The following ARHGAP25 variants were observed in gnomAD, a reference collection of about 807,000 sequenced individuals.
The protein encoded by ARHGAP25 is Rho GTPase activating protein 25.
A neutral mutation model predicts 71.0 loss-of-function variants in ARHGAP25; 34 were observed. The ratio of observed to expected loss-of-function variants is 0.48; its 90% CI spans 0.36 to 0.64. The LOEUF is 0.64. Ranked by LOEUF, ARHGAP25 falls within the 30% of genes least tolerant of loss-of-function variation. ARHGAP25 has a pLI of 0.00. For missense variants in ARHGAP25, 706 were observed against 805.1 expected (o/e 0.88, Z 1.49); for synonymous variants, 282 against 296.5 (o/e 0.95, Z 0.50).
chr2:68,746,880 C>T (rs923234401), intron 1 of ARHGAP25, among the ~76,000 whole-genome samples: 5 of 151,918 alleles, frequency 3.3e-5, no homozygotes, highest in South Asian at 4.2e-4. Context: ...TAGTGACGCA[C>T]GCCTGTAATC....
chr2:68,825,221 C>T (rs553598433), intron 10 of ARHGAP25, among the ~76,000 whole-genome samples: 20 of 152,246 alleles, frequency 1.3e-4, no homozygotes, highest in African/African-American at 4.8e-4. Context: ...CCCAGGAGAT[C>T]CTTAATAAGA....
chr2:68,723,891 G>A (rs753179629), intron 2 of ARHGAP25, among the ~76,000 whole-genome samples: 13 of 151,894 alleles, frequency 8.6e-5, no homozygotes, highest in Admixed American at 2.6e-4. Context: ...TTTCTCTCTC[G>A]GTGGGGCAGG....
At position 68,782,337 on chromosome 2, in the gene ARHGAP25, A is replaced by G. The variant is rs985011733; in HGVS notation, c.349+17A>G. 1.2e-6 allele frequency: 2 copies of G among 1,611,294 alleles called. No homozygotes were observed. Among genetic ancestry groups the G allele is most frequent in the Non-Finnish European group, 8.5e-7 (1 of 1,177,418 alleles). On this transcript the variant is annotated intron_variant, in intron 3 of 10. Transcript: ENST00000409202. ...TCATTCCAGGTAGGCCACCACAGGT[A>G]GGACAGAGGTGCAGTGCAGAAGTAA...
chr2:68,819,315 G>T lies in ARHGAP25; in HGVS notation c.1196G>T (p.Ser399Ile). The T allele has an allele frequency of 6.2e-7, 1 of 1,614,112 alleles. No homozygotes were observed. Among genetic ancestry groups the T allele is most frequent in the Non-Finnish European group, 8.5e-7 (1 of 1,179,980 alleles). Residue 399 changes from serine to isoleucine, a missense_variant, in exon 9 of 11, where the codon AGC becomes ATC. Coordinates refer to ENST00000409202, the MANE Select transcript of ARHGAP25 (RefSeq NM_001007231.3). ...LRISRTDSFS[S>I]MTSDSDTTSP... ...ATTTCTAGGACAGACAGCTTCAGTAGCATGGTAAGGTGCAGAGAACCTTCC... is the reference window on the plus strand; with the variant it reads ...ATTTCTAGGACAGACAGCTTCAGTATCATGGTAAGGTGCAGAGAACCTTCC...
intron 4 of ARHGAP25, among the ~76,000 whole-genome samples, chr2:68,788,258 C>T (rs929014975): frequency 6.6e-6 from 1 of 152,212 alleles, no homozygotes; most frequent in African/African-American, 2.4e-5. Context: ...GCTTTCTCCT[C>T]TCTGGGCCAA....
At chr2:68,738,588 C>A (rs915220668) in intron 1 of ARHGAP25, among the ~76,000 whole-genome samples, 6 of 152,094 alleles carry the variant, frequency 3.9e-5, no homozygotes, top group Admixed American at 3.9e-4. Flanking sequence ...CCATGAGTAG[C>A]CTCCGGTCCC....
intron 4 of ARHGAP25, among the ~76,000 whole-genome samples, chr2:68,794,704 A>G (rs1255803821): frequency 6.6e-6 from 1 of 152,080 alleles, no homozygotes; most frequent in East Asian, 1.9e-4. Flanking sequence ...GTCTATATTC[A>G]TCAGGGATAT....
chr2:68,738,710 A>G (rs1675348749), intron 1 of ARHGAP25, among the ~76,000 whole-genome samples: 2 of 151,910 alleles, frequency 1.3e-5, no homozygotes, highest in Non-Finnish European at 2.9e-5. Context: ...AATCCCAGCT[A>G]CTTGGGAGGC....
chr2:68,772,757 C>A (rs956584820), intron 1 of ARHGAP25, among the ~76,000 whole-genome samples: 1 of 152,180 alleles, frequency 6.6e-6, no homozygotes, highest in East Asian at 1.9e-4. Flanking sequence ...AAGTGATCAG[C>A]CCACACTGGC....
chr2:68,797,821 T>C (rs956034089), intron 4 of ARHGAP25, among the ~76,000 whole-genome samples: 21 of 152,366 alleles, frequency 1.4e-4, no homozygotes, highest in African/African-American at 4.6e-4. Flanking sequence ...GGTGCTCTCC[T>C]ACGGCCTGGA....
chr2:68,763,623 A>C (rs1428602533), intron 1 of ARHGAP25, among the ~76,000 whole-genome samples: 1 of 152,228 alleles, frequency 6.6e-6, no homozygotes, highest in East Asian at 1.9e-4. Context: ...TTGATGGGCT[A>C]AACCATTTAC....
chr2:68,719,632 A>G (rs932443313), intron 2 of ARHGAP25, among the ~76,000 whole-genome samples: 24 of 152,166 alleles, frequency 1.6e-4, no homozygotes, highest in Non-Finnish European at 2.9e-5. Flanking sequence ...TCAGCCTACC[A>G]CAACTTTGCT....
chr2:68,746,933 G>A (rs1003417497), intron 1 of ARHGAP25, among the ~76,000 whole-genome samples: 13 of 150,866 alleles, frequency 8.6e-5, no homozygotes, highest in Non-Finnish European at 1.5e-4. Context: ...GCTTGAACCC[G>A]GGAGGCAGAG....
intron 1 of ARHGAP25, among the ~76,000 whole-genome samples, chr2:68,763,997 A>G (rs1676978894): frequency 6.6e-6 from 1 of 152,110 alleles, no homozygotes; most frequent in South Asian, 2.1e-4. Flanking sequence ...GGACATTTTT[A>G]TTACCCCAAA....
chr2:68,824,504 A>G (rs1331936035), intron 10 of ARHGAP25, among the ~76,000 whole-genome samples: 1 of 152,218 alleles, frequency 6.6e-6, no homozygotes, highest in East Asian at 1.9e-4. Context: ...GCACTTTGGG[A>G]GGCCAAGGTG....
intron 5 of ARHGAP25, among the ~76,000 whole-genome samples, chr2:68,810,346 C>T (rs1680693719): frequency 6.6e-6 from 1 of 152,128 alleles, no homozygotes; most frequent in Non-Finnish European, 1.5e-5. Flanking sequence ...ACTATGAAAA[C>T]TTAGAACAGG....
chr2:68,726,761 G>A (rs1288714347), intron 2 of ARHGAP25, among the ~76,000 whole-genome samples: 1 of 152,168 alleles, frequency 6.6e-6, no homozygotes, highest in Non-Finnish European at 1.5e-5. Flanking sequence ...GCTCAGGGCT[G>A]GGAGGAACAA....
chr2:68,731,162 A>T (rs1310702919), upstream of ARHGAP25, among the ~76,000 whole-genome samples: 1 of 152,146 alleles, frequency 6.6e-6, no homozygotes, highest in African/African-American at 2.4e-5. Context: ...TGAGTGCAGA[A>T]GATCTGCACT....
intron 1 of ARHGAP25, among the ~76,000 whole-genome samples, chr2:68,739,700 G>A (rs1675417584): frequency 1.3e-5 from 2 of 152,172 alleles, no homozygotes; most frequent in African/African-American, 4.8e-5. Flanking sequence ...AGTACCGGAA[G>A]AGCATGACGG....
Sources: allele counts gnomAD v4.1 joint callset (sites outside exome capture counted in the v4.1 genomes callset), GRCh38; gene constraint gnomAD v4.1.1; transcripts MANE v1.5; gene names NCBI Gene and HGNC (gene_info 2026-07-23, HGNC 2026-07-21).